ADARB2: variants seen among roughly 807,000 people sequenced by gnomAD.
The protein encoded by ADARB2 is inactive double-stranded RNA-specific editase B2.
In ADARB2, 25 loss-of-function variants were observed where a neutral mutation model predicts 62.2. That is an observed-to-expected ratio of 0.40 (90% confidence interval 0.29 to 0.56). The LOEUF is 0.56. ADARB2 is among the 20% of genes least tolerant of loss of function. The pLI is 0.43. For synonymous variants in ADARB2, 572 were observed against 500.8 expected, an observed-to-expected ratio of 1.14 and a Z score of -1.90; for missense variants, 1,071 against 1,077.4, an observed-to-expected ratio of 0.99 and a Z score of 0.08.
intron 1 of ADARB2, among the ~76,000 whole-genome samples, chr10:1,675,778 T>C (rs573731542): frequency 6.6e-6 from 1 of 152,212 alleles, no homozygotes; most frequent in South Asian, 2.1e-4. Context: ...GAGCTGGTGA[T>C]GTCTCATCTG....
intron 1 of ADARB2, among the ~76,000 whole-genome samples, chr10:1,681,330 A>G (rs977398400): frequency 5.3e-5 from 8 of 152,154 alleles, no homozygotes; most frequent in Non-Finnish European, 7.4e-5. Context: ...CTAAACCAGA[A>G]CACATGTGGT....
chr10:1,597,197 A>G (rs1319672337), intron 1 of ADARB2, among the ~76,000 whole-genome samples: 1 of 152,206 alleles, frequency 6.6e-6, no homozygotes, highest in Non-Finnish European at 1.5e-5. Flanking sequence ...AAGCCTTTCA[A>G]GTGAAGCCCT....
At chr10:1,301,415 T>A (rs1831571864) in intron 3 of ADARB2, among the ~76,000 whole-genome samples, 1 of 152,182 alleles carries the variant, frequency 6.6e-6, no homozygotes, top group Non-Finnish European at 1.5e-5. Context: ...TTTTAGAACC[T>A]AAATAGATTA....
At chr10:1,443,453 C>A (rs986926660) in intron 1 of ADARB2, among the ~76,000 whole-genome samples, 8 of 152,240 alleles carry the variant, frequency 5.3e-5, no homozygotes, top group African/African-American at 1.7e-4. Context: ...CCATTCCTAA[C>A]AACTTCTTTG....
chr10:1,571,709 G>C (rs1195723808), intron 1 of ADARB2, among the ~76,000 whole-genome samples: 1 of 151,246 alleles, frequency 6.6e-6, no homozygotes, highest in Non-Finnish European at 1.5e-5. Flanking sequence ...TGAGTGGACA[G>C]GTGAGTGTGC....
intron 1 of ADARB2, among the ~76,000 whole-genome samples, chr10:1,627,438 T>A (rs756960270): frequency 6.6e-6 from 1 of 152,156 alleles, no homozygotes; most frequent in Non-Finnish European, 1.5e-5. Flanking sequence ...CTGTTGCAGG[T>A]TAAAGGGCAC....
intron 3 of ADARB2, among the ~76,000 whole-genome samples, chr10:1,327,057 GCCCAGCGCCTCCCCACT>G (rs1831863950): frequency 1.2e-5 from 1 of 80,228 alleles, no homozygotes; most frequent in Non-Finnish European, 2.6e-5. Context: ...CCTCCCCACT[GCCCAGCGCCTCCCCACT>G]GCACAGCGCC....
At chr10:1,312,032 C>T (rs374879508) in intron 3 of ADARB2, among the ~76,000 whole-genome samples, 6 of 152,152 alleles carry the variant, frequency 3.9e-5, no homozygotes, top group East Asian at 3.8e-4. Context: ...CGAGCACTAC[C>T]GGAGTAGCAT....
At chr10:1,734,111 A>G (rs1044910720) in intron 1 of ADARB2, among the ~76,000 whole-genome samples, 1 of 152,094 alleles carries the variant, frequency 6.6e-6, no homozygotes, top group Non-Finnish European at 1.5e-5. Flanking sequence ...TTTCTAAAAG[A>G]AAGTCCCTGC....
chr10:1,561,174 T>C (rs548531964), intron 1 of ADARB2, among the ~76,000 whole-genome samples: 1 of 152,254 alleles, frequency 6.6e-6, no homozygotes, highest in South Asian at 2.1e-4. Flanking sequence ...AAGGAGATAC[T>C]TGAAATTCAT....
intron 1 of ADARB2, among the ~76,000 whole-genome samples, chr10:1,733,406 CT>C (rs1166587939): frequency 1.8e-5 from 2 of 112,154 alleles, no homozygotes; most frequent in East Asian, 3.9e-4. Context: ...TGCATAGCTT[CT>C]TTTAGAAAAA....
chr10:1,610,769 C>T (rs889893345), intron 1 of ADARB2, among the ~76,000 whole-genome samples: 11 of 144,120 alleles, frequency 7.6e-5, no homozygotes, highest in Non-Finnish European at 1.2e-4. Context: ...CACACACACA[C>T]ATGCACAGAC....
At chr10:1,554,011 C>T (rs1832665943) in intron 1 of ADARB2, among the ~76,000 whole-genome samples, 1 of 152,206 alleles carries the variant, frequency 6.6e-6, no homozygotes, top group Admixed American at 6.5e-5. Flanking sequence ...GAACCTGCCC[C>T]CAGCGCTCAG....
At chr10:1,643,003 C>T (rs1054489679) in intron 1 of ADARB2, among the ~76,000 whole-genome samples, 1 of 152,198 alleles carries the variant, frequency 6.6e-6, no homozygotes, top group African/African-American at 2.4e-5. Context: ...AAGCGCAGGG[C>T]CAAGAGGCCT....
intron 1 of ADARB2, among the ~76,000 whole-genome samples, chr10:1,673,712 T>C (rs1255194141): frequency 2.6e-5 from 4 of 152,290 alleles, no homozygotes; most frequent in African/African-American, 4.8e-5. Context: ...GTCTGCTGCA[T>C]GGACAGGGCT....
At chr10:1,233,551 A>C (rs1170846939) in intron 6 of ADARB2, 143 bp downstream of exon 6, 5 of 862,764 alleles carry the variant, frequency 5.8e-6, no homozygotes, top group Non-Finnish European at 8.4e-6. Flanking sequence ...TTATCCCACT[A>C]ATTGTAGACT....
chr10:1,632,800 C>A (rs1833859554), intron 1 of ADARB2, among the ~76,000 whole-genome samples: 1 of 152,220 alleles, frequency 6.6e-6, no homozygotes, highest in Admixed American at 6.5e-5. Context: ...GCGTGACATG[C>A]TGTAAAGGCT....
chr10:1,531,904 C>T (rs1832247803), intron 1 of ADARB2, among the ~76,000 whole-genome samples: 1 of 152,198 alleles, frequency 6.6e-6, no homozygotes, highest in African/African-American at 2.4e-5. Flanking sequence ...ACGTGGTCCA[C>T]ATCCGGTGTC....
intron 3 of ADARB2, among the ~76,000 whole-genome samples, chr10:1,345,082 C>A (rs1564263644): frequency 6.6e-6 from 1 of 152,070 alleles, no homozygotes; most frequent in Non-Finnish European, 1.5e-5. Context: ...GTGGAGGGAA[C>A]CGCCGCAGCC....
Sources: gnomAD v4.1 joint callset for allele counts (sites outside exome capture counted in the v4.1 genomes callset) on GRCh38, gnomAD v4.1.1 for gene constraint, MANE v1.5 for transcripts, NCBI Gene and HGNC (gene_info 2026-07-23, HGNC 2026-07-21) for gene names.